PAH: variants seen among roughly 807,000 people sequenced by gnomAD.
The protein encoded by PAH is phenylalanine hydroxylase.
Under a neutral mutation model 62.0 loss-of-function variants are expected in PAH, and 64 were observed. The ratio of observed to expected loss-of-function variants is 1.03; its 90% CI spans 0.84 to 1.27. PAH has a LOEUF of 1.27. Among genes scored for constraint, PAH ranks in the 50% most tolerant of loss-of-function variants. PAH has a pLI of 0.00. For synonymous variants in PAH, 195 were observed against 196.2 expected (o/e 0.99, Z 0.05); for missense variants, 579 against 542.8 (o/e 1.07, Z -0.66).
chr12:102,908,421 T>C (rs1329028669), intron 2 of PAH, among the ~76,000 whole-genome samples: 1 of 152,222 alleles, frequency 6.6e-6, no homozygotes, highest in African/African-American at 2.4e-5. Context: ...ATATAAAAGC[T>C]AAAAAGTTAC....
At chr12:102,932,769 G>A (rs899393239) in intron 1 of PAH, among the ~76,000 whole-genome samples, 22 of 152,128 alleles carry the variant, frequency 1.4e-4, no homozygotes, top group African/African-American at 5.1e-4. Flanking sequence ...GTTCTTATAA[G>A]AATAATGGGA....
At position 102,838,863 on chromosome 12, in the gene PAH, T is replaced by A. The variant is rs1874468298; in HGVS notation, c.*312A>T. On this transcript the variant is annotated 3_prime_UTR_variant, in exon 13 of 13. Transcript: ENST00000553106. The stretch of plus-strand genomic sequence containing the variant: ...CTGCAAAGCATATATGAAGCTTGAA[T>A]GAAGCAGGTCCCAAATTTTAATTAA... 1 of 414,778 alleles carries A rather than the reference T, an allele frequency of 2.4e-6. No homozygotes were observed. The highest frequency in any genetic ancestry group is 4.8e-5 in the East Asian group (1 of 20,768). The allele number at this position is 414,778 out of a possible 1,614,324, so 25.7% of individuals were successfully genotyped here.
At chr12:102,912,757 C>T in intron 2 of PAH, 34 bp downstream of exon 2, 1 of 1,391,076 alleles carries the variant, frequency 7.2e-7, no homozygotes, top group Non-Finnish European at 1.0e-6. Context: ...TTTGCTACGA[C>T]ATTATCCAAG....
At chr12:102,917,528 C>T, upstream of PAH, 1 of 309,032 alleles carries the variant, frequency 3.2e-6, no homozygotes, top group Non-Finnish European at 6.3e-6. Flanking sequence ...GAAGCGAGTT[C>T]TCTGCAATTG....
chr12:102,937,579 G>A (rs1038470864), intron 1 of PAH, among the ~76,000 whole-genome samples: 4 of 151,954 alleles, frequency 2.6e-5, no homozygotes, highest in Non-Finnish European at 5.9e-5. Flanking sequence ...TGCCCTGATT[G>A]TTAACTTTTT....
intron 1 of PAH, among the ~76,000 whole-genome samples, chr12:102,935,248 C>A (rs996940007): frequency 1.3e-5 from 2 of 152,006 alleles, no homozygotes; most frequent in African/African-American, 4.8e-5. Context: ...ATAAATCTCA[C>A]GTGGTCTTGA....
At chr12:102,938,031 G>A (rs539314975) in intron 1 of PAH, among the ~76,000 whole-genome samples, 1 of 152,322 alleles carries the variant, frequency 6.6e-6, no homozygotes, top group African/African-American at 2.4e-5. Context: ...ATGGAATGGA[G>A]ATAAAGTTGT....
chr12:102,909,915 C>T (rs1592987308), intron 2 of PAH, among the ~76,000 whole-genome samples: 1 of 152,142 alleles, frequency 6.6e-6, no homozygotes, highest in South Asian at 2.1e-4. Context: ...GCTGAGATCG[C>T]ACCACTACAC....
rs180939296 is a variant in PAH at position 102,881,233 on chromosome 12, C to G, written c.353-3683G>C. ...TTCGCCATGTTGGCCAGGCTGGTCT[C>G]GAACTCCTGACCTCATGATCTGCCC... On this transcript the variant is annotated intron_variant, in intron 3 of 12. Coordinates refer to ENST00000553106, the MANE Select transcript of PAH (RefSeq NM_000277.3). 2.5e-3 allele frequency among the ~76,000 whole-genome samples: 374 copies of G among 151,286 alleles called. 1 individual carries two copies. The highest frequency in any genetic ancestry group is 8.4e-3 in the African/African-American group (347 of 41,362).
At chr12:102,878,604 G>A (rs540209937) in intron 3 of PAH, among the ~76,000 whole-genome samples, 6 of 151,792 alleles carry the variant, frequency 4.0e-5, no homozygotes, top group South Asian at 2.1e-4. Flanking sequence ...TTGTTGTACC[G>A]GGCATAAAGA....
chr12:102,861,724 C>T (rs190089020), intron 5 of PAH, among the ~76,000 whole-genome samples: 42 of 152,146 alleles, frequency 2.8e-4, no homozygotes, highest in African/African-American at 8.9e-4. Context: ...AGCAAACTAT[C>T]GCAGGGACAG....
At chr12:102,945,758 G>GGGAA (rs1174653870) in intron 1 of PAH, among the ~76,000 whole-genome samples, 29 of 152,058 alleles carry the variant, frequency 1.9e-4, no homozygotes, top group Admixed American at 1.9e-3. Flanking sequence ...GCCTGGAATT[G>GGGAA]GGAACCCAAG....
At chr12:102,853,205 A>C (rs1488859633) in intron 6 of PAH, 1 of 511,030 alleles carries the variant, frequency 2.0e-6, no homozygotes, top group Non-Finnish European at 3.5e-6. Flanking sequence ...TTCCAAGAAT[A>C]AAAAGAGCTA....
chr12:102,935,341 C>T (rs1879063237), intron 1 of PAH, among the ~76,000 whole-genome samples: 1 of 152,004 alleles, frequency 6.6e-6, no homozygotes, highest in Admixed American at 6.6e-5. Context: ...TTTAGGAATA[C>T]TGGCCTGTAG....
At chr12:102,909,538 T>G (rs545156653) in intron 2 of PAH, among the ~76,000 whole-genome samples, 2 of 152,288 alleles carry the variant, frequency 1.3e-5, no homozygotes, top group Non-Finnish European at 2.9e-5. Context: ...TGTGGTACTT[T>G]TTGGAAAAAA....
intron 2 of PAH, among the ~76,000 whole-genome samples, chr12:102,908,221 G>GACACACACACAC (rs150345639): frequency 7.1e-6 from 1 of 141,710 alleles, no homozygotes; most frequent in Non-Finnish European, 1.5e-5. Flanking sequence ...CTGCAGCCCC[G>GACACACACACAC]ACACACACAC....
chr12:102,953,434 C>T (rs998595321), upstream of PAH: 4 of 152,178 alleles, frequency 2.6e-5, no homozygotes, highest in African/African-American at 9.7e-5. Context: ...AGAGACAACA[C>T]ACAATCAAGA....
At chr12:102,922,401 C>G (rs1187889918) in intron 1 of PAH, among the ~76,000 whole-genome samples, 1 of 152,032 alleles carries the variant, frequency 6.6e-6, no homozygotes, top group Non-Finnish European at 1.5e-5. Flanking sequence ...ATCATGTTGG[C>G]CAGGTTAGTC....
chr12:102,844,481 T>A (rs142439116), intron 9 of PAH, 50 bp from the exon 10 acceptor site: 1 of 1,201,572 alleles, frequency 8.3e-7, no homozygotes, highest in Non-Finnish European at 1.2e-6. Flanking sequence ...GTTAATTTTA[T>A]GTGTCACCTT....
Sources: allele counts gnomAD v4.1 joint callset (sites outside exome capture counted in the v4.1 genomes callset), GRCh38; gene constraint gnomAD v4.1.1; transcripts MANE v1.5; gene names NCBI Gene and HGNC (gene_info 2026-07-23, HGNC 2026-07-21).